The following WSCD2 variants were observed in gnomAD, a reference collection of about 807,000 sequenced individuals.
WSCD2 encodes WSC domain sialate O sulfotransferase 2.
WSCD2 carries 28 observed loss-of-function variants against 55.7 expected under a neutral mutation model. The ratio of observed to expected loss-of-function variants is 0.50; its 90% CI spans 0.37 to 0.69. The LOEUF is 0.69. Ranked by LOEUF, WSCD2 falls within the 30% of genes least tolerant of loss-of-function variation. WSCD2 has a pLI of 0.00. For synonymous variants in WSCD2, 301 were observed against 301.9 expected (o/e 1.00, Z 0.03); for missense variants, 616 against 762.1 (o/e 0.81, Z 2.26).
chr12:108,242,742 C>G (rs1397650095), intron 8 of WSCD2, among the ~76,000 whole-genome samples: 1 of 152,230 alleles, frequency 6.6e-6, no homozygotes, highest in Non-Finnish European at 1.5e-5. Flanking sequence ...GCCCAGCATG[C>G]ATTAGCTATT....
chr12:108,136,636 G>A (rs1447439970), intron 1 of WSCD2, among the ~76,000 whole-genome samples: 1 of 152,166 alleles, frequency 6.6e-6, no homozygotes, highest in Non-Finnish European at 1.5e-5. Flanking sequence ...GACCCATGTG[G>A]ACACTGAGGC....
intron 4 of WSCD2, among the ~76,000 whole-genome samples, chr12:108,216,475 T>C: frequency 6.6e-6 from 1 of 152,214 alleles, no homozygotes; most frequent in East Asian, 1.9e-4. Flanking sequence ...GACTATGAGC[T>C]GTGAAAAGCA....
intron 1 of WSCD2, among the ~76,000 whole-genome samples, chr12:108,147,142 G>A (rs1384296706): frequency 6.6e-6 from 1 of 152,152 alleles, no homozygotes; most frequent in Non-Finnish European, 1.5e-5. Context: ...GGGTCACCCT[G>A]GAATGGTGAG....
At chr12:108,193,126 G>T (rs1017896999) in intron 1 of WSCD2, among the ~76,000 whole-genome samples, 2 of 152,158 alleles carry the variant, frequency 1.3e-5, no homozygotes, top group East Asian at 3.8e-4. Flanking sequence ...CCCCTCTTGT[G>T]TAAAAATAGA....
chr12:108,159,834 G>A (rs1393486923), intron 1 of WSCD2, among the ~76,000 whole-genome samples: 2 of 152,176 alleles, frequency 1.3e-5, no homozygotes, highest in Non-Finnish European at 2.9e-5. Flanking sequence ...GTTTTTCTCA[G>A]CGTTGGCTTT....
intron 5 of WSCD2, among the ~76,000 whole-genome samples, chr12:108,226,768 C>T (rs1593085056): frequency 6.6e-6 from 1 of 152,170 alleles, no homozygotes; most frequent in Non-Finnish European, 1.5e-5. Context: ...AAAAGTGAAT[C>T]GACTTAAAGG....
At chr12:108,147,087 G>A (rs1269095495) in intron 1 of WSCD2, among the ~76,000 whole-genome samples, 2 of 152,186 alleles carry the variant, frequency 1.3e-5, no homozygotes, top group African/African-American at 4.8e-5. Context: ...AGCACCGAAT[G>A]TGTAACCGGC....
rs1042745314 is a variant in WSCD2, at chr12:108,250,346, T to C, written c.*2003T>C. ...TAACTGCTTTGTGCCTGTGTGACTC[T>C]GGCATAGCTGCTCAGGGAGAATTAC... is the stretch of plus-strand genomic sequence containing the variant. On this transcript the variant is annotated 3_prime_UTR_variant, in exon 9 of 9. Transcript: ENST00000547525. 1 of 152,344 alleles carries C rather than the reference T, an allele frequency of 6.6e-6. No homozygotes were observed. The highest frequency in any genetic ancestry group is 2.4e-5 in the African/African-American group (1 of 41,442). The allele number at this position is 152,344 out of a possible 1,614,324, so 9.4% of individuals were successfully genotyped here.
intron 8 of WSCD2, among the ~76,000 whole-genome samples, chr12:108,241,211 A>G (rs1460953542): frequency 1.3e-5 from 2 of 152,168 alleles, no homozygotes; most frequent in African/African-American, 2.4e-5. Flanking sequence ...ATTGAGCCCC[A>G]AGCATGGAAC....
At chr12:108,211,995 C>T (rs1033853138) in intron 4 of WSCD2, among the ~76,000 whole-genome samples, 2 of 152,052 alleles carry the variant, frequency 1.3e-5, no homozygotes, top group South Asian at 2.1e-4. Flanking sequence ...TCCATTCAAG[C>T]TTTGCTGTGC....
intron 1 of WSCD2, among the ~76,000 whole-genome samples, chr12:108,170,823 G>C (rs1880165054): frequency 6.6e-6 from 1 of 152,226 alleles, no homozygotes; most frequent in Admixed American, 6.5e-5. Flanking sequence ...TCCCAGCTAG[G>C]AGTGGCTGAG....
chr12:108,234,655 T>C (rs1035163194), intron 7 of WSCD2, among the ~76,000 whole-genome samples: 4 of 152,176 alleles, frequency 2.6e-5, no homozygotes, highest in Non-Finnish European at 4.4e-5. Flanking sequence ...GGGAAGAGCA[T>C]TGGGATATTC....
intron 1 of WSCD2, among the ~76,000 whole-genome samples, chr12:108,150,313 C>A (rs770193448): frequency 6.6e-6 from 1 of 152,078 alleles, no homozygotes; most frequent in Non-Finnish European, 1.5e-5. Context: ...AGAATTCACC[C>A]CCTCTAATTG....
At chr12:108,136,818 C>T (rs1198347692) in intron 1 of WSCD2, among the ~76,000 whole-genome samples, 2 of 151,878 alleles carry the variant, frequency 1.3e-5, no homozygotes, top group East Asian at 3.8e-4. Flanking sequence ...GGAAGCTTTC[C>T]CTTTTCTCTC....
chr12:108,135,103 G>A (rs1876033894), intron 1 of WSCD2, among the ~76,000 whole-genome samples: 1 of 152,202 alleles, frequency 6.6e-6, no homozygotes, highest in South Asian at 2.1e-4. Context: ...TGAATGTGGT[G>A]AGATTTCTTC....
intron 6 of WSCD2, among the ~76,000 whole-genome samples, chr12:108,229,226 C>A (rs1453470942): frequency 6.6e-6 from 1 of 152,184 alleles, no homozygotes; most frequent in Non-Finnish European, 1.5e-5. Flanking sequence ...GTGTGCTAAG[C>A]CCTGATGCCC....
chr12:108,228,194 G>A (rs1274454420), intron 6 of WSCD2, among the ~76,000 whole-genome samples: 4 of 152,122 alleles, frequency 2.6e-5, no homozygotes, highest in Non-Finnish European at 5.9e-5. Context: ...GGATTGGGGG[G>A]CATCCCTTGC....
chr12:108,178,487 A>G (rs916448760), intron 1 of WSCD2, among the ~76,000 whole-genome samples: 5 of 152,192 alleles, frequency 3.3e-5, no homozygotes, highest in Non-Finnish European at 7.3e-5. Context: ...TGCACTATAC[A>G]TCAGATACTT....
intron 4 of WSCD2, among the ~76,000 whole-genome samples, chr12:108,211,636 TATATATATATATATAC>T (rs1180528289): frequency 1.4e-5 from 2 of 146,102 alleles, no homozygotes; most frequent in African/African-American, 5.1e-5. Context: ...ATCCCATATA[TATATATATATATATAC>T]ATATATATAT....
Sources: gnomAD v4.1 joint callset for allele counts (sites outside exome capture counted in the v4.1 genomes callset) on GRCh38, gnomAD v4.1.1 for gene constraint, MANE v1.5 for transcripts, NCBI Gene and HGNC (gene_info 2026-07-23, HGNC 2026-07-21) for gene names.